The following GALNT17 variants were observed in gnomAD, a reference collection of about 807,000 sequenced individuals.
GALNT17 encodes polypeptide N-acetylgalactosaminyltransferase 17.
GALNT17 carries 29 observed loss-of-function variants against 63.7 expected under a neutral mutation model. The ratio of observed to expected loss-of-function variants is 0.46; its 90% CI spans 0.34 to 0.62. The LOEUF is 0.62. GALNT17 is among the 20% of genes least tolerant of loss of function. The pLI, the probability that GALNT17 is intolerant of heterozygous loss-of-function variation, is 0.01. For missense variants in GALNT17, 603 were observed against 799.6 expected (o/e 0.75, Z 2.97); for synonymous variants, 305 against 318.3 (o/e 0.96, Z 0.45).
intron 5 of GALNT17, among the ~76,000 whole-genome samples, chr7:71,470,013 A>G (rs1437002259): frequency 2.6e-5 from 4 of 152,216 alleles, no homozygotes; most frequent in Non-Finnish European, 5.9e-5. Flanking sequence ...GTTCAAGACC[A>G]GCCTAGCCAA....
chr7:71,284,117 C>G (rs1276183893), intron 1 of GALNT17: 2 of 152,228 alleles, frequency 1.3e-5, no homozygotes, highest in Non-Finnish European at 2.9e-5. Flanking sequence ...CACAGTAAAT[C>G]TTGCTGCTGT....
chr7:71,452,061 T>C (rs1320656921), intron 5 of GALNT17, among the ~76,000 whole-genome samples: 2 of 151,998 alleles, frequency 1.3e-5, no homozygotes. Flanking sequence ...AATGAAATGA[T>C]AAATAAGTGA....
chr7:71,632,757 C>G (rs1201374986), intron 6 of GALNT17, among the ~76,000 whole-genome samples: 1 of 152,132 alleles, frequency 6.6e-6, no homozygotes, highest in African/African-American at 2.4e-5. Flanking sequence ...TGACATTTTG[C>G]TCACCGTGGA....
chr7:71,636,032 C>T (rs1429011945), intron 6 of GALNT17, among the ~76,000 whole-genome samples: 1 of 152,174 alleles, frequency 6.6e-6, no homozygotes, highest in Non-Finnish European at 1.5e-5. Flanking sequence ...GGGAAGGCAG[C>T]CCAGTGGGTC....
chr7:71,197,112 T>C (rs1243907517), intron 1 of GALNT17, among the ~76,000 whole-genome samples: 1 of 151,488 alleles, frequency 6.6e-6, no homozygotes, highest in Non-Finnish European at 1.5e-5. Flanking sequence ...TCCTTTGTGC[T>C]ACAAATAATC....
chr7:71,294,423 T>G, intron 1 of GALNT17, among the ~76,000 whole-genome samples: 1 of 141,338 alleles, frequency 7.1e-6, no homozygotes, highest in African/African-American at 2.7e-5. Flanking sequence ...TTTTTTTTTT[T>G]TTTTTTTTTG....
In GALNT17 at chr7:71,598,025, A is replaced by G. The variant is rs182679145; in HGVS notation, c.1080+26623A>G. 4.0e-5 allele frequency among the ~76,000 whole-genome samples: 6 copies of G among 151,546 alleles called. No individual in the cohort carries two copies. In the East Asian group the frequency reaches 7.8e-4, roughly 20 times the overall value. ...AGTGGCGCAGTCTCGGCTCACTGCA[A>G]CCTCCACCTCCCAGGTTCAAATAAT... On this transcript the variant is annotated intron_variant, in intron 6 of 10. Coordinates refer to ENST00000333538, the MANE Select transcript of GALNT17 (RefSeq NM_022479.3).
chr7:71,503,505 A>G (rs1162551711), intron 5 of GALNT17, among the ~76,000 whole-genome samples: 1 of 152,060 alleles, frequency 6.6e-6, no homozygotes, highest in East Asian at 1.9e-4. Flanking sequence ...CCAAAGTGCT[A>G]GAATTACAGG....
At chr7:71,246,115 G>GTTTTTTTT (rs61447370) in intron 1 of GALNT17, among the ~76,000 whole-genome samples, 7 of 91,996 alleles carry the variant, frequency 7.6e-5, no homozygotes, top group African/African-American at 1.6e-4. Context: ...TTTTTTCGTT[G>GTTTTTTTT]TTTTTTTTTT....
chr7:71,571,431 G>A (rs778221062), intron 6 of GALNT17, 29 bp downstream of exon 6: 1 of 1,583,748 alleles, frequency 6.3e-7, no homozygotes, highest in Admixed American at 1.7e-5. Context: ...CTTCCTCTTG[G>A]TGTGCCCATG....
At chr7:71,486,242 G>A (rs997891559) in intron 5 of GALNT17, among the ~76,000 whole-genome samples, 4 of 151,620 alleles carry the variant, frequency 2.6e-5, no homozygotes, top group Non-Finnish European at 5.9e-5. Flanking sequence ...TGAGGCAGGA[G>A]AATCACTTGA....
intron 5 of GALNT17, among the ~76,000 whole-genome samples, chr7:71,509,703 C>G (rs1584013830): frequency 6.6e-6 from 1 of 152,102 alleles, no homozygotes; most frequent in Admixed American, 6.5e-5. Flanking sequence ...CCTTTGGGAG[C>G]TGATCCCAGA....
chr7:71,228,984 T>G (rs1486669321), intron 1 of GALNT17, among the ~76,000 whole-genome samples: 4 of 152,164 alleles, frequency 2.6e-5, no homozygotes, highest in African/African-American at 9.7e-5. Context: ...AGTTCCCCTA[T>G]GCCTGGATCA....
chr7:71,472,115 G>A (rs964763759), intron 5 of GALNT17, among the ~76,000 whole-genome samples: 2 of 152,040 alleles, frequency 1.3e-5, no homozygotes, highest in African/African-American at 4.8e-5. Flanking sequence ...TTAATACATG[G>A]CCCCTTCTCC....
chr7:71,448,282 A>G (rs967915211), intron 5 of GALNT17, among the ~76,000 whole-genome samples: 11 of 151,776 alleles, frequency 7.2e-5, no homozygotes, highest in African/African-American at 2.7e-4. Context: ...ATTTCTTTTT[A>G]TTCATTGCAC....
rs142651625 is a variant in GALNT17 at position 71,521,334 on chromosome 7, C to G, written c.963-49951C>G. On this transcript the variant is annotated intron_variant, in intron 5 of 10. Coordinates refer to ENST00000333538, the MANE Select transcript of GALNT17 (RefSeq NM_022479.3). ...CCCCAGGTGGACACAGCAGCCAGGT[C>G]TGCCCAATCTAAAGGCCACCTTACC... Among the ~76,000 whole-genome samples the G allele has an allele frequency of 2.7e-4, 41 of 152,218 alleles. No individual in the cohort carries two copies. The East Asian group carries it at 7.9e-3, about 29-fold the overall frequency.
chr7:71,195,284 T>C (rs1789026295), intron 1 of GALNT17, among the ~76,000 whole-genome samples: 1 of 152,164 alleles, frequency 6.6e-6, no homozygotes, highest in Non-Finnish European at 1.5e-5. Context: ...GGCATGATCA[T>C]AACTTAGTGC....
intron 1 of GALNT17, among the ~76,000 whole-genome samples, chr7:71,181,203 C>T (rs934547020): frequency 1.3e-5 from 2 of 148,986 alleles, no homozygotes; most frequent in African/African-American, 2.5e-5. Context: ...TACAGTGAGC[C>T]GAGATCACAC....
At position 71,482,079 on chromosome 7, in the gene GALNT17, A is replaced by ATGTGTGTGTGTGTGTGTGTGTGTG. The variant is rs371371505; in HGVS notation, c.962+60975_962+60976insGTGTGTGTGTGTGTGTGTGTGTGT. On this transcript the variant is annotated intron_variant, in intron 5 of 10. Transcript: ENST00000333538. ...TTGATGTATAGGTATACATATATGT[A>ATGTGTGTGTGTGTGTGTGTGTGTG]TATGTGTGTGTGTGTGTGTGTGTGT... Among the ~76,000 whole-genome samples the ATGTGTGTGTGTGTGTGTGTGTGTG allele has an allele frequency of 1.0e-4, 14 of 136,888 alleles. 1 individual carries two copies. The South Asian group carries it at 2.5e-3, about 24-fold the overall frequency. The allele number at this position is 136,888 out of a possible 152,430, so 89.8% of individuals were successfully genotyped here. A position where few individuals can be genotyped will look rare whatever the true frequency, so the allele number is the denominator to read the frequency against.
Sources: gnomAD v4.1 joint callset for allele counts (sites outside exome capture counted in the v4.1 genomes callset) on GRCh38, gnomAD v4.1.1 for gene constraint, MANE v1.5 for transcripts, NCBI Gene and HGNC (gene_info 2026-07-23, HGNC 2026-07-21) for gene names.